SPRY3: variants seen among roughly 807,000 people sequenced by gnomAD.
SPRY3 encodes protein sprouty homolog 3.
SPRY3 carries 15 observed loss-of-function variants against 20.2 expected under a neutral mutation model. That is an observed-to-expected ratio of 0.74 (90% CI 0.50 to 1.14). The LOEUF (loss-of-function observed/expected upper bound fraction) is 1.14, where lower values mean the gene tolerates loss of function less well. Ranked by LOEUF, SPRY3 falls within the 50% of genes most tolerant of loss-of-function variation. The pLI is 0.00. For synonymous variants in SPRY3, 143 were observed against 136.5 expected (o/e 1.05, Z -0.33); for missense variants, 364 against 363.9 (o/e 1.00, Z 0.00).
intron 2 of SPRY3, among the ~76,000 whole-genome samples, chrX:155,733,598 G>A (rs1394117323): frequency 6.6e-6 from 1 of 151,906 alleles, no homozygotes; most frequent in East Asian, 1.9e-4. Flanking sequence ...ATGACCATTG[G>A]CTTCAACTTA....
intron 1 of SPRY3, among the ~76,000 whole-genome samples, chrX:155,628,344 T>TA (rs782235947): frequency 8.9e-6 from 1 of 111,931 alleles, no homozygotes; most frequent in African/African-American, 3.2e-5. Flanking sequence ...GGGGTCTAAT[T>TA]AAACTAAAGA....
At chrX:155,751,135 G>A (rs1045204962) in intron 2 of SPRY3, among the ~76,000 whole-genome samples, 2 of 151,824 alleles carry the variant, frequency 1.3e-5, no homozygotes, top group African/African-American at 2.4e-5. Context: ...GAAGGAGTGA[G>A]CAGAAAAGAC....
rs782235291 is a variant in SPRY3, at chrX:155,616,290, A to G, written c.-441+3643A>G. On this transcript the variant is annotated intron_variant, in intron 1 of 3. Coordinates refer to ENST00000675360, the Ensembl canonical transcript of SPRY3. ...ACCTTCCTAGATTTTCATATTACAGATTCAACCACTGAAGAGAGACACTAA... is the reference window on the plus strand; with the variant it reads ...ACCTTCCTAGATTTTCATATTACAGGTTCAACCACTGAAGAGAGACACTAA... Among the ~76,000 whole-genome samples, 4 of 109,912 alleles carry G rather than the reference A, an allele frequency of 3.6e-5. No homozygotes were observed. The Admixed American group carries it at 3.9e-4, about 11-fold the overall frequency.
intron 2 of SPRY3, among the ~76,000 whole-genome samples, chrX:155,663,984 T>C (rs1323549538): frequency 9.0e-6 from 1 of 110,540 alleles, no homozygotes; most frequent in Admixed American, 9.7e-5. Context: ...TGTAGGTACA[T>C]AGTAGGGGAT....
chrX:155,697,935 G>A (rs1333195287), intron 2 of SPRY3, among the ~76,000 whole-genome samples: 2 of 111,070 alleles, frequency 1.8e-5, no homozygotes, highest in African/African-American at 3.3e-5. Flanking sequence ...TCATATATTA[G>A]TAAAGAATGC....
At chrX:155,773,306 G>C (rs28573082) in intron 3 of SPRY3, among the ~76,000 whole-genome samples, 15,157 of 81,330 alleles carry the variant, frequency 0.19, 960 homozygotes, top group Non-Finnish European at 0.21. Flanking sequence ...AATTTTGATT[G>C]GATATATATA....
intron 3 of SPRY3, among the ~76,000 whole-genome samples, chrX:155,770,043 T>A (rs17653343): frequency 0.4 from 60,362 of 151,724 alleles, 12,664 homozygotes; most frequent in East Asian, 0.67. Flanking sequence ...TTATTCTGAG[T>A]AGGAGTGTAT....
chrX:155,746,879 A>G (rs2091229512), intron 2 of SPRY3, among the ~76,000 whole-genome samples: 1 of 151,836 alleles, frequency 6.6e-6, no homozygotes, highest in East Asian at 1.9e-4. Flanking sequence ...GAGAGTGTTC[A>G]CTCCACACAT....
At chrX:155,631,128 A>G (rs2067905231) in intron 1 of SPRY3, among the ~76,000 whole-genome samples, 2 of 110,445 alleles carry the variant, frequency 1.8e-5, no homozygotes, top group Admixed American at 1.9e-4. Flanking sequence ...CACAGGGTCT[A>G]TTGCTGTCAT....
chrX:155,662,375 A>G (rs1248820202), intron 2 of SPRY3, among the ~76,000 whole-genome samples: 3 of 110,854 alleles, frequency 2.7e-5, no homozygotes, highest in Non-Finnish European at 5.7e-5. Flanking sequence ...TGATTATAGT[A>G]GTGGTGTACT....
intron 2 of SPRY3, among the ~76,000 whole-genome samples, chrX:155,733,004 G>C (rs1359679162): frequency 6.6e-6 from 1 of 152,012 alleles, no homozygotes; most frequent in Non-Finnish European, 1.5e-5. Context: ...GGTTACCAGA[G>C]CCTAGAAGTG....
chrX:155,740,328 A>T (rs2091197406), intron 2 of SPRY3, among the ~76,000 whole-genome samples: 1 of 152,130 alleles, frequency 6.6e-6, no homozygotes, highest in Non-Finnish European at 1.5e-5. Flanking sequence ...AGGGAAGACA[A>T]CCATAAGGTC....
chrX:155,776,867 C>T (rs916985882), downstream of SPRY3: 27 of 166,984 alleles, frequency 1.6e-4, no homozygotes, highest in Admixed American at 1.8e-3. Context: ...CTGCACAGAG[C>T]CCCACACCTT....
intron 1 of SPRY3, among the ~76,000 whole-genome samples, chrX:155,639,023 A>G (rs1257272574): frequency 9.0e-6 from 1 of 111,542 alleles, no homozygotes; most frequent in East Asian, 2.8e-4. Flanking sequence ...GGGTTCTGAC[A>G]ACTGCTTCCT....
chrX:155,708,331 A>C (rs1177570886), intron 2 of SPRY3, among the ~76,000 whole-genome samples: 4 of 151,590 alleles, frequency 2.6e-5, no homozygotes, highest in African/African-American at 9.6e-5. Flanking sequence ...AGCACTTTGA[A>C]TATATAATCC....
At chrX:155,677,242 G>C (rs919295914) in intron 2 of SPRY3, among the ~76,000 whole-genome samples, 5 of 111,430 alleles carry the variant, frequency 4.5e-5, no homozygotes, top group Non-Finnish European at 7.5e-5. Flanking sequence ...ATTACTTGGA[G>C]ACATAGACTT....
intron 1 of SPRY3, among the ~76,000 whole-genome samples, chrX:155,631,828 G>A (rs782677608): frequency 2.4e-4 from 27 of 111,154 alleles, no homozygotes; most frequent in Admixed American, 2.0e-3. Context: ...TATGGGGTAC[G>A]TGAGATATCT....
At chrX:155,767,226 G>C (rs949527415) in intron 2 of SPRY3, among the ~76,000 whole-genome samples, 10 of 151,908 alleles carry the variant, frequency 6.6e-5, no homozygotes, top group Admixed American at 2.6e-4. Context: ...CGACACGCGG[G>C]GGGAGGGGGG....
chrX:155,628,824 A>G (rs1557350192), intron 1 of SPRY3, among the ~76,000 whole-genome samples: 1 of 111,783 alleles, frequency 8.9e-6, no homozygotes, highest in African/African-American at 3.3e-5. Flanking sequence ...TCTTTTTGGT[A>G]ATAGCCATCC....
Sources: gnomAD v4.1 joint callset for allele counts (sites outside exome capture counted in the v4.1 genomes callset) on GRCh38, gnomAD v4.1.1 for gene constraint, MANE v1.5 for transcripts, NCBI Gene and HGNC (gene_info 2026-07-23, HGNC 2026-07-21) for gene names.